SPIDR: variants seen among roughly 807,000 people sequenced by gnomAD.
SPIDR encodes scaffold protein involved in DNA repair.
In SPIDR, 93 loss-of-function variants were observed where a neutral mutation model predicts 104.6. The ratio of observed to expected loss-of-function variants is 0.89; its 90% CI spans 0.75 to 1.06. The LOEUF (loss-of-function observed/expected upper bound fraction) is 1.06, where lower values mean the gene tolerates loss of function less well. SPIDR is among the 50% of genes least tolerant of loss of function. The probability of loss-of-function intolerance (pLI) is 0.00; values close to 1 mark genes in which losing one functional copy is unlikely to be tolerated. For synonymous variants in SPIDR, 431 were observed against 416.9 expected, an observed-to-expected ratio of 1.03 and a Z score of -0.41; for missense variants, 1,154 against 1,111.2, an observed-to-expected ratio of 1.04 and a Z score of -0.55.
chr8:47,397,361 A>G (rs1317519952), intron 6 of SPIDR, among the ~76,000 whole-genome samples: 1 of 151,944 alleles, frequency 6.6e-6, no homozygotes, highest in Non-Finnish European at 1.5e-5. Context: ...CTGGGCGTGG[A>G]GGTGCGCACC....
intron 10 of SPIDR, among the ~76,000 whole-genome samples, chr8:47,607,586 A>AAAGGTAGTCAACCAT (rs1402043074): frequency 6.6e-6 from 1 of 151,318 alleles, no homozygotes; most frequent in African/African-American, 2.4e-5. Context: ...TTTCTTTTGA[A>AAAGGTAGTCAACCAT]AAGGTAGTCA....
At chr8:47,536,085 T>TA (rs1052953214) in intron 8 of SPIDR, among the ~76,000 whole-genome samples, 2 of 86,688 alleles carry the variant, frequency 2.3e-5, no homozygotes, top group African/African-American at 7.0e-5. Context: ...AGGTATAATC[T>TA]AAAAATATAT....
intron 8 of SPIDR, among the ~76,000 whole-genome samples, chr8:47,529,822 T>C (rs13279327): frequency 0.28 from 42,546 of 152,148 alleles, 6,261 homozygotes; most frequent in Middle Eastern, 0.45. Flanking sequence ...ATTAGAAATA[T>C]TTTGTTATTG....
At chr8:47,664,055 C>T (rs1457247940) in intron 10 of SPIDR, among the ~76,000 whole-genome samples, 3 of 152,240 alleles carry the variant, frequency 2.0e-5, no homozygotes, top group Admixed American at 6.5e-5. Context: ...CGACCCACTC[C>T]TCCACCATCC....
chr8:47,585,415 G>A (rs1294682901), intron 8 of SPIDR, among the ~76,000 whole-genome samples: 1 of 152,110 alleles, frequency 6.6e-6, no homozygotes, highest in Non-Finnish European at 1.5e-5. Context: ...GTTATACAAT[G>A]TCTATTTTTT....
intron 6 of SPIDR, among the ~76,000 whole-genome samples, chr8:47,402,886 C>T (rs2062103563): frequency 6.6e-6 from 1 of 152,148 alleles, no homozygotes; most frequent in Non-Finnish European, 1.5e-5. Context: ...CAAAGCCTGG[C>T]AGAGACACAA....
intron 5 of SPIDR, among the ~76,000 whole-genome samples, chr8:47,393,269 C>A (rs972359559): frequency 1.3e-5 from 2 of 152,180 alleles, no homozygotes; most frequent in African/African-American, 4.8e-5. Flanking sequence ...GTTATTGCAT[C>A]CTTTTCCTCA....
chr8:47,392,280 A>G (rs1301737661), intron 5 of SPIDR, among the ~76,000 whole-genome samples: 2 of 152,142 alleles, frequency 1.3e-5, no homozygotes, highest in African/African-American at 4.8e-5. Flanking sequence ...AGACCACAAC[A>G]GTGTTCGAGT....
chr8:47,594,541 A>G (rs1776751625), intron 8 of SPIDR, among the ~76,000 whole-genome samples: 1 of 152,180 alleles, frequency 6.6e-6, no homozygotes, highest in African/African-American at 2.4e-5. Flanking sequence ...TACCTAGAGT[A>G]GAGCAGTTAC....
At chr8:47,347,568 T>C (rs896033546) in intron 5 of SPIDR, among the ~76,000 whole-genome samples, 6 of 152,140 alleles carry the variant, frequency 3.9e-5, no homozygotes, top group African/African-American at 1.4e-4. Context: ...CCCATTATTA[T>C]TGTGTAGTAG....
intron 16 of SPIDR, among the ~76,000 whole-genome samples, chr8:47,722,381 C>T (rs1053014576): frequency 6.6e-5 from 10 of 152,198 alleles, no homozygotes; most frequent in Non-Finnish European, 1.5e-4. Flanking sequence ...ACTGCATTAG[C>T]TAGGACTATC....
intron 8 of SPIDR, among the ~76,000 whole-genome samples, chr8:47,567,221 A>T (rs1302604387): frequency 6.7e-6 from 1 of 148,946 alleles, no homozygotes; most frequent in Non-Finnish European, 1.5e-5. Context: ...CTATATATAT[A>T]TATATATTTT....
rs546683800 is a variant in SPIDR at position 47,643,503 on chromosome 8, C to T, written c.1545-30298C>T. On this transcript the variant is annotated intron_variant, in intron 10 of 19. Coordinates refer to ENST00000297423, the MANE Select transcript of SPIDR (RefSeq NM_001080394.4). ...AGCTGGGACTTAAGGCACATATCAC[C>T]ACACCTGGCTAGTGTTGTTGTTGTT... is the stretch of plus-strand genomic sequence containing the variant. 2.8e-5 allele frequency among the ~76,000 whole-genome samples: 4 copies of T among 141,062 alleles called. No homozygotes were observed. In the South Asian group the frequency reaches 9.3e-4, roughly 33 times the overall value. 92.5% of individuals were successfully genotyped at this position (141,062 alleles called of 152,430 possible). A position where few individuals can be genotyped will look rare whatever the true frequency, so the allele number is the denominator to read the frequency against.
intron 8 of SPIDR, among the ~76,000 whole-genome samples, chr8:47,459,650 A>T: frequency 6.6e-6 from 1 of 150,494 alleles, no homozygotes; most frequent in African/African-American, 2.4e-5. Context: ...GATCTTGGTT[A>T]TTTCCTTTCT....
intron 8 of SPIDR, among the ~76,000 whole-genome samples, chr8:47,581,217 A>G (rs1451835095): frequency 6.6e-6 from 1 of 152,126 alleles, no homozygotes; most frequent in Non-Finnish European, 1.5e-5. Flanking sequence ...ATGTCTCTCT[A>G]TGAACTTGAA....
At chr8:47,625,152 A>G (rs1588524148) in intron 10 of SPIDR, among the ~76,000 whole-genome samples, 1 of 152,240 alleles carries the variant, frequency 6.6e-6, no homozygotes, top group East Asian at 1.9e-4. Context: ...GATTATCTCA[A>G]TAGAGGCACA....
chr8:47,425,070 T>C (rs1554683769), intron 7 of SPIDR, among the ~76,000 whole-genome samples: 1 of 152,216 alleles, frequency 6.6e-6, no homozygotes, highest in Non-Finnish European at 1.5e-5. Context: ...TAAATTGTAT[T>C]ATAGAGGGTA....
intron 11 of SPIDR, among the ~76,000 whole-genome samples, chr8:47,691,101 G>A (rs1039593387): frequency 9.9e-5 from 15 of 151,710 alleles, no homozygotes; most frequent in African/African-American, 2.9e-4. Flanking sequence ...AGTCCATCCT[G>A]AGCAACATGG....
rs35738557 is a variant in SPIDR, at chr8:47,482,433, C to CA, written c.1097+41901dup. Among the ~76,000 whole-genome samples, 134 of 147,222 alleles carry CA rather than the reference C, an allele frequency of 9.1e-4. 2 individuals are homozygous for CA. The East Asian group carries it at 0.021, about 23-fold the overall frequency. On this transcript the variant is annotated intron_variant, in intron 8 of 19. Coordinates refer to ENST00000297423, the MANE Select transcript of SPIDR (RefSeq NM_001080394.4). The stretch of plus-strand genomic sequence containing the variant: ...TGGGCTACAGAGCGAGGCCCTGTCT[C>CA]AAAAAAAAAAGTCTCATGACTTCGT...
Sources: gnomAD v4.1 joint callset for allele counts (sites outside exome capture counted in the v4.1 genomes callset) on GRCh38, gnomAD v4.1.1 for gene constraint, MANE v1.5 for transcripts, NCBI Gene and HGNC (gene_info 2026-07-23, HGNC 2026-07-21) for gene names.